Variants in SGCZ observed in about 807,000 individuals in gnomAD.
SGCZ encodes the protein sarcoglycan zeta, also known as zeta-sarcoglycan.
Under a neutral mutation model 41.3 loss-of-function variants are expected in SGCZ, and 40 were observed. That is an observed-to-expected ratio of 0.97 (90% CI 0.75 to 1.26). The LOEUF is 1.26. SGCZ is among the 50% of genes most tolerant of loss of function. The pLI, the probability that SGCZ is intolerant of heterozygous loss-of-function variation, is 0.00. For synonymous variants in SGCZ, 206 were observed against 137.5 expected (o/e 1.50, Z -3.49); for missense variants, 552 against 369.8 (o/e 1.49, Z -4.04).
chr8:14,934,707 G>A (rs1800028218), intron 1 of SGCZ, among the ~76,000 whole-genome samples: 1 of 151,608 alleles, frequency 6.6e-6, no homozygotes, highest in Non-Finnish European at 1.5e-5. Flanking sequence ...ATTTTTTAAA[G>A]TGATGAAAGA....
intron 2 of SGCZ, among the ~76,000 whole-genome samples, chr8:14,420,445 CTTTAT>C (rs1458018242): frequency 6.6e-6 from 1 of 151,942 alleles, no homozygotes; most frequent in Non-Finnish European, 1.5e-5. Context: ...TCAGTTTTTT[CTTTAT>C]TTTGATTTTA....
intron 3 of SGCZ, chr8:14,309,589 A>T: frequency 6.2e-7 from 1 of 1,610,928 alleles, no homozygotes; most frequent in Non-Finnish European, 8.5e-7. Flanking sequence ...TTAGGACTTC[A>T]TCCAAAGATA....
intron 2 of SGCZ, among the ~76,000 whole-genome samples, chr8:14,466,251 G>A (rs897862658): frequency 1.3e-4 from 19 of 151,846 alleles, no homozygotes; most frequent in Admixed American, 5.3e-4. Flanking sequence ...AGGATTCTTG[G>A]TTGCCAGTTT....
At chr8:14,264,782 A>T (rs1283463005) in intron 3 of SGCZ, among the ~76,000 whole-genome samples, 1 of 152,134 alleles carries the variant, frequency 6.6e-6, no homozygotes, top group Non-Finnish European at 1.5e-5. Flanking sequence ...TAACACGGTG[A>T]AACCCCGTCT....
intron 1 of SGCZ, among the ~76,000 whole-genome samples, chr8:15,154,971 C>T (rs72607338): frequency 2.0e-5 from 3 of 151,900 alleles, no homozygotes; most frequent in East Asian, 3.9e-4. Context: ...TGAGAAGAGC[C>T]GATTTTGAAT....
At chr8:14,498,590 T>G (rs1802059734) in intron 2 of SGCZ, among the ~76,000 whole-genome samples, 1 of 152,076 alleles carries the variant, frequency 6.6e-6, no homozygotes. Flanking sequence ...TTTCTTAACT[T>G]AAATATTATT....
intron 1 of SGCZ, among the ~76,000 whole-genome samples, chr8:14,747,695 G>A (rs1243436681): frequency 2.4e-4 from 14 of 58,662 alleles, no homozygotes; most frequent in Non-Finnish European, 3.2e-4. Flanking sequence ...ATTATTATGT[G>A]TGTGTGTATT....
chr8:14,732,708 G>T (rs993531743), intron 1 of SGCZ, among the ~76,000 whole-genome samples: 11 of 152,094 alleles, frequency 7.2e-5, no homozygotes, highest in African/African-American at 2.7e-4. Context: ...TTCCTAAAAC[G>T]GGGGCAACCA....
chr8:15,107,245 G>A (rs935949202), intron 1 of SGCZ, among the ~76,000 whole-genome samples: 2 of 152,084 alleles, frequency 1.3e-5, no homozygotes, highest in African/African-American at 2.4e-5. Flanking sequence ...AAAGTAGCAC[G>A]CAGTTTGAAT....
intron 1 of SGCZ, among the ~76,000 whole-genome samples, chr8:15,068,008 G>A (rs1032919165): frequency 3.9e-5 from 6 of 152,132 alleles, no homozygotes; most frequent in East Asian, 1.9e-4. Flanking sequence ...CATGCAAAAG[G>A]CCATGGTACA....
At chr8:14,373,763 G>A (rs1176899076) in intron 2 of SGCZ, among the ~76,000 whole-genome samples, 1 of 152,060 alleles carries the variant, frequency 6.6e-6, no homozygotes, top group Admixed American at 6.6e-5. Flanking sequence ...ATTGTAAACG[G>A]TAGGTTTACG....
intron 1 of SGCZ, among the ~76,000 whole-genome samples, chr8:14,729,599 C>A (rs1282893594): frequency 6.6e-6 from 1 of 152,106 alleles, no homozygotes. Context: ...TCTCACCAAC[C>A]TTGCTGGCAC....
At chr8:15,017,359 A>G (rs145218920) in intron 1 of SGCZ, among the ~76,000 whole-genome samples, 738 of 152,290 alleles carry the variant, frequency 4.8e-3, no homozygotes, top group East Asian at 0.011. Flanking sequence ...TTCACTGCAC[A>G]CGTACAGTGA....
At position 14,323,497 on chromosome 8, in the gene SGCZ, C is replaced by T. The variant is rs1407493600; in HGVS notation, c.336+606G>A. ...TGATATATCCAAGAATATTTACTGC[C>T]TTCTGAGAGGTAATGTACATAAGCC... On this transcript the variant is annotated intron_variant, in intron 3 of 7. Coordinates refer to ENST00000382080, the MANE Select transcript of SGCZ (RefSeq NM_139167.4). 2.0e-5 allele frequency among the ~76,000 whole-genome samples: 3 copies of T among 152,056 alleles called. No homozygotes were observed. The East Asian group carries it at 5.8e-4, about 29-fold the overall frequency.
intron 1 of SGCZ, among the ~76,000 whole-genome samples, chr8:14,809,187 A>T (rs1801661979): frequency 6.6e-6 from 1 of 152,160 alleles, no homozygotes; most frequent in African/African-American, 2.4e-5. Flanking sequence ...ATATGTAACT[A>T]AGCTGCACAA....
intron 1 of SGCZ, among the ~76,000 whole-genome samples, chr8:15,094,854 C>T (rs1333849477): frequency 6.6e-6 from 1 of 152,108 alleles, no homozygotes; most frequent in Non-Finnish European, 1.5e-5. Flanking sequence ...TCAAGAGGTA[C>T]CTTCTGTCAT....
intron 2 of SGCZ, among the ~76,000 whole-genome samples, chr8:14,503,853 A>T (rs1313990924): frequency 1.3e-5 from 2 of 152,176 alleles, no homozygotes; most frequent in African/African-American, 4.8e-5. Flanking sequence ...TCATTTATAG[A>T]CTTATTTGAA....
At chr8:14,684,912 T>C (rs1336853293) in intron 1 of SGCZ, among the ~76,000 whole-genome samples, 1 of 152,142 alleles carries the variant, frequency 6.6e-6, no homozygotes, top group Non-Finnish European at 1.5e-5. Context: ...TAATTCCTGG[T>C]CCTCTGTTTA....
chr8:14,581,440 TG>T, intron 1 of SGCZ, among the ~76,000 whole-genome samples: 1 of 151,890 alleles, frequency 6.6e-6, no homozygotes, highest in African/African-American at 2.4e-5. Context: ...TTTGTTTGTT[TG>T]TTTTTTTGTT....
Sources: allele counts gnomAD v4.1 joint callset (sites outside exome capture counted in the v4.1 genomes callset), GRCh38; gene constraint gnomAD v4.1.1; transcripts MANE v1.5; gene names NCBI Gene and HGNC (gene_info 2026-07-23, HGNC 2026-07-21).